TBC1D15: variants seen among roughly 807,000 people sequenced by gnomAD.
The protein encoded by TBC1D15 is TBC1 domain family member 15.
A neutral mutation model predicts 95.4 loss-of-function variants in TBC1D15; 39 were observed. The observed-to-expected ratio is 0.41, with a 90% CI of 0.32 to 0.53. The LOEUF is 0.53. Ranked by LOEUF, TBC1D15 falls within the 20% of genes least tolerant of loss-of-function variation. TBC1D15 has a pLI of 0.29. For missense variants in TBC1D15, 733 were observed against 794.3 expected, an observed-to-expected ratio of 0.92 and a Z score of 0.93; for synonymous variants, 258 against 261.3, an observed-to-expected ratio of 0.99 and a Z score of 0.12.
At chr12:71,913,477 C>T (rs1012034303) in intron 11 of TBC1D15, 17 of 196,788 alleles carry the variant, frequency 8.6e-5, no homozygotes, top group Non-Finnish European at 1.0e-4. Flanking sequence ...TATACTCTTA[C>T]ATTTGATGTT....
chr12:71,893,120 GT>G (rs77560730), intron 5 of TBC1D15, 101 bp from the exon 6 acceptor site: 25,478 of 448,950 alleles, frequency 0.057, no homozygotes, highest in Middle Eastern at 0.087. Flanking sequence ...AATATTTTGG[GT>G]TTTTTTTTTT....
chr12:71,892,055 A>G (rs551228617), intron 5 of TBC1D15, among the ~76,000 whole-genome samples: 38 of 152,238 alleles, frequency 2.5e-4, no homozygotes, highest in African/African-American at 9.1e-4. Context: ...TTCAAAGTCC[A>G]TCATTTAAAA....
chr12:71,902,506 T>C (rs925927543), intron 10 of TBC1D15, among the ~76,000 whole-genome samples: 4 of 152,184 alleles, frequency 2.6e-5, no homozygotes, highest in Middle Eastern at 3.2e-3. Flanking sequence ...TAAATGTTCC[T>C]GGGATAACTG....
At position 71,868,617 on chromosome 12, in the gene TBC1D15, C is replaced by G. The variant is rs1264412381; in HGVS notation, c.31-3453C>G. Among the ~76,000 whole-genome samples the G allele has an allele frequency of 5.3e-5, 8 of 152,226 alleles. No homozygotes were observed. The East Asian group carries it at 1.4e-3, about 26-fold the overall frequency. ...TTCCCCAGCTAAACTACTTAGGAAA[C>G]TCTTTCAACTTTTTCTTAAGTGAAA... On this transcript the variant is annotated intron_variant, in intron 1 of 16. Coordinates refer to ENST00000485960, the MANE Select transcript of TBC1D15 (RefSeq NM_001146213.3).
chr12:71,849,911 G>A, intron 1 of TBC1D15: 1 of 562,716 alleles, frequency 1.8e-6, no homozygotes, highest in Non-Finnish European at 3.5e-6. Context: ...GCGTCTTGAG[G>A]ATCAGTGGCT....
At chr12:71,894,258 C>A in intron 6 of TBC1D15, 1 of 1,293,114 alleles carries the variant, frequency 7.7e-7, no homozygotes, top group Non-Finnish European at 1.1e-6. Flanking sequence ...TAAATTTAGC[C>A]ATCAAATATT....
intron 12 of TBC1D15, among the ~76,000 whole-genome samples, chr12:71,916,271 A>G (rs1903682550): frequency 6.6e-6 from 1 of 152,018 alleles, no homozygotes; most frequent in Non-Finnish European, 1.5e-5. Flanking sequence ...TTTTTCGAAT[A>G]TGGTGTCTGT....
At chr12:71,862,892 G>A (rs1047777779) in intron 1 of TBC1D15, among the ~76,000 whole-genome samples, 2 of 152,114 alleles carry the variant, frequency 1.3e-5, no homozygotes, top group African/African-American at 4.8e-5. Context: ...ACTCCTTTGA[G>A]CAGTTCTTAT....
chr12:71,884,847 C>A lies in TBC1D15; in HGVS notation c.380C>A (p.Ser127Ter). ...PSHRNGKSKW[S>*]FLFSLTDLKS... ...CATAGAAATGGGAAAAGCAAATGGTCATTCCTGTTCAGTTTGACAGACCTG... is the reference window on the plus strand; with the variant it reads ...CATAGAAATGGGAAAAGCAAATGGTAATTCCTGTTCAGTTTGACAGACCTG... Residue 127 changes from serine to a stop codon, truncating the protein, a stop_gained, in exon 5 of 17, where the codon TCA (serine) becomes TAA (stop). Transcript: ENST00000485960. LOFTEE classifies it high-confidence loss of function. 1 of 1,613,942 alleles carries A rather than the reference C, an allele frequency of 6.2e-7. No individual in the cohort carries two copies. The highest frequency in any genetic ancestry group is 8.5e-7 in the Non-Finnish European group (1 of 1,179,894).
At position 71,844,051 on chromosome 12, in the gene TBC1D15, C is replaced by G. The variant is rs538299413; in HGVS notation, c.30+4240C>G. Among the ~76,000 whole-genome samples the G allele has an allele frequency of 2.6e-5, 4 of 152,300 alleles. No homozygotes were observed. The East Asian group carries it at 7.7e-4, about 29-fold the overall frequency. On this transcript the variant is annotated intron_variant, in intron 1 of 16. Transcript: ENST00000485960. ...ACACAGTTTTGTCCTTGACTGTTCTCCCCTTCACCTCTCACATCTAATCAG... is the reference window on the plus strand; with the variant it reads ...ACACAGTTTTGTCCTTGACTGTTCTGCCCTTCACCTCTCACATCTAATCAG...
chr12:71,841,848 CATA>C (rs906169628), intron 1 of TBC1D15, among the ~76,000 whole-genome samples: 1 of 151,764 alleles, frequency 6.6e-6, no homozygotes, highest in Admixed American at 6.6e-5. Flanking sequence ...TTATCGTCAG[CATA>C]ATAATAATAA....
Position 71,894,783 on chromosome 12 carries a change from A to G in TBC1D15, c.755A>G (p.His252Arg). Residue 252 changes from histidine (H) to arginine (R), a missense_variant, in exon 7 of 17, where the codon CAT (histidine) becomes CGT (arginine). Physicochemically the swap from His to Arg is conservative, Grantham distance 29. Coordinates refer to ENST00000485960, the MANE Select transcript of TBC1D15 (RefSeq NM_001146213.3). ...TTGAGAGGCAGCGATCCCTCTACAC[A>G]TCAACGACCACCTTCAGAAATGGCA... ...DSLRGSDPSTHQRPPSEMADF... is the reference protein window; with the variant it reads ...DSLRGSDPSTRQRPPSEMADF... 1 of 1,613,392 alleles carries G rather than the reference A, an allele frequency of 6.2e-7. No individual in the cohort carries two copies.
chr12:71,902,684 G>C (rs1899686410), intron 10 of TBC1D15, among the ~76,000 whole-genome samples: 1 of 152,120 alleles, frequency 6.6e-6, no homozygotes, highest in African/African-American at 2.4e-5. Context: ...ACTTCATGAA[G>C]AAGACTCCAA....
chr12:71,840,046 C>T (rs906044231), intron 1 of TBC1D15, among the ~76,000 whole-genome samples: 11 of 152,166 alleles, frequency 7.2e-5, no homozygotes, highest in African/African-American at 1.2e-4. Flanking sequence ...CTCTTCTGCC[C>T]CAGAGCAGAG....
chr12:71,890,828 T>C (rs1002923875), intron 5 of TBC1D15, among the ~76,000 whole-genome samples: 3 of 152,244 alleles, frequency 2.0e-5, no homozygotes, highest in African/African-American at 7.2e-5. Context: ...ATTTAAAATA[T>C]GATATTCACT....
At chr12:71,852,338 G>C (rs1279183910) in intron 1 of TBC1D15, among the ~76,000 whole-genome samples, 1 of 152,222 alleles carries the variant, frequency 6.6e-6, no homozygotes, top group Non-Finnish European at 1.5e-5. Context: ...CGTTGGTCCT[G>C]TGATGGGAAT....
Position 71,894,702 on chromosome 12 carries a change from C to G in TBC1D15, c.674C>G (p.Pro225Arg). The G allele has an allele frequency of 6.2e-7, 1 of 1,612,654 alleles. No individual in the cohort carries two copies. Among genetic ancestry groups the G allele is most frequent in the South Asian group, 1.1e-5 (1 of 90,974 alleles). The change falls in exon 7 of 17, where the codon CCT becomes CGT. Residue 225 changes from proline to arginine, a missense_variant. Pro to Arg is a moderately radical substitution (Grantham distance 103, BLOSUM62 -2). Coordinates refer to ENST00000485960, the MANE Select transcript of TBC1D15 (RefSeq NM_001146213.3). ...YGLIQKIKKDPYTATMIGFSK... is the reference protein window; with the variant it reads ...YGLIQKIKKDRYTATMIGFSK... The stretch of plus-strand genomic sequence containing the variant: ...ACTGCATAGAAAATTAAAAAGGACC[C>G]TTATACGGCAACTATGATAGGATTT...
At chr12:71,861,520 T>G in intron 1 of TBC1D15, 3 of 1,506,716 alleles carry the variant, frequency 2.0e-6, no homozygotes, top group South Asian at 2.6e-5. Context: ...CTAATGATCC[T>G]TTGTATTTCT....
Position 71,923,164 on chromosome 12 carries a change from T to C in TBC1D15, c.1985T>C (p.Ile662Thr). 6.2e-7 allele frequency: 1 copy of C among 1,614,230 alleles called. No homozygotes were observed. Among genetic ancestry groups the C allele is most frequent in the Non-Finnish European group, 8.5e-7 (1 of 1,180,044 alleles). ...GCCAGAAATGACAGCCCAACACAGATACCAGTGTCCTCAGATGTCTGCAGA... is the reference window on the plus strand; with the variant it reads ...GCCAGAAATGACAGCCCAACACAGACACCAGTGTCCTCAGATGTCTGCAGA... ...SGARNDSPTQ[I>T]PVSSDVCRLT... The change falls in exon 17 of 17, where the codon ATA (isoleucine) becomes ACA (threonine). Residue 662 changes from isoleucine to threonine, a missense_variant. Ile to Thr is a moderately conservative substitution (Grantham distance 89). Coordinates refer to ENST00000485960, the MANE Select transcript of TBC1D15 (RefSeq NM_001146213.3).
Sources: allele counts gnomAD v4.1 joint callset (sites outside exome capture counted in the v4.1 genomes callset), GRCh38; gene constraint gnomAD v4.1.1; transcripts MANE v1.5; gene names NCBI Gene and HGNC (gene_info 2026-07-23, HGNC 2026-07-21).